Variants in ATP6V0A4 observed in about 807,000 individuals in gnomAD.
ATP6V0A4 encodes the protein V-type proton ATPase 116 kDa subunit a 4.
A neutral mutation model predicts 107.3 loss-of-function variants in ATP6V0A4; 86 were observed. That is an observed-to-expected ratio of 0.80 (90% confidence interval 0.67 to 0.96). The LOEUF (loss-of-function observed/expected upper bound fraction) is 0.96. Among genes scored for constraint, ATP6V0A4 ranks in the 40% least tolerant of loss-of-function variants. The pLI is 0.00. For missense variants in ATP6V0A4, 908 were observed against 1,045.6 expected (o/e 0.87, Z 1.81); for synonymous variants, 353 against 381.4 (o/e 0.93, Z 0.87).
chr7:138,782,620 T>C (rs189757343), intron 2 of ATP6V0A4, among the ~76,000 whole-genome samples: 21 of 152,142 alleles, frequency 1.4e-4, no homozygotes, highest in African/African-American at 4.8e-4. Context: ...GAATGAGAAC[T>C]CAAAAGAAGA....
intron 1 of ATP6V0A4, among the ~76,000 whole-genome samples, chr7:138,786,846 T>C (rs892625364): frequency 9.2e-5 from 14 of 152,300 alleles, no homozygotes; most frequent in African/African-American, 3.4e-4. Context: ...GCCTTTTCTA[T>C]AATAATATTT....
chr7:138,714,746 T>C (rs1477969044), intron 20 of ATP6V0A4, among the ~76,000 whole-genome samples: 1 of 152,178 alleles, frequency 6.6e-6, no homozygotes, highest in Non-Finnish European at 1.5e-5. Context: ...GGCGTTCTCT[T>C]AAAGGTCAGC....
rs1806903889 is a variant in ATP6V0A4, at chr7:138,762,974, G to C, written c.343C>G (p.Gln115Glu). The part of the protein sequence containing the change: ...GELQEANQNQ[Q>E]ALKQSFLELT... ...TCTAGGAAGCTTTGTTTCAAGGCCT[G>C]CTGGTTCTGGTTGGCTTCCTGTAAC... The change falls in exon 6 of 22, where the codon CAG becomes GAG. Residue 115 changes from glutamine (Q) to glutamate (E), a missense_variant. Gln to Glu is a conservative substitution (Grantham distance 29, BLOSUM62 2). Coordinates refer to ENST00000310018, the MANE Select transcript of ATP6V0A4 (RefSeq NM_020632.3). 1 of 1,614,120 alleles carries C rather than the reference G, an allele frequency of 6.2e-7. No individual in the cohort carries two copies. The highest frequency in any genetic ancestry group is 8.5e-7 in the Non-Finnish European group (1 of 1,180,020).
intron 4 of ATP6V0A4, 64 bp from the exon 5 acceptor site, chr7:138,768,938 G>A: frequency 6.2e-7 from 1 of 1,602,806 alleles, no homozygotes; most frequent in East Asian, 2.2e-5. Flanking sequence ...TAAGAAATGA[G>A]GTCAAGCAAG....
Position 138,756,510 on chromosome 7 carries a change from T to A in ATP6V0A4, c.670A>T (p.Ile224Leu), listed in dbSNP as rs779748042. 4 of 1,612,378 alleles carry A rather than the reference T, an allele frequency of 2.5e-6. No individual in the cohort carries two copies. The highest frequency in any genetic ancestry group is 3.4e-6 in the Non-Finnish European group (4 of 1,179,378). The stretch of plus-strand genomic sequence containing the variant: ...CTGAGCTGCTCTCCTTGGTAAAATA[T>A]GATGAATATGTTCTTCTGAATTTCT... Reference protein sequence around the residue: ...KEEIQKNIFIIFYQGEQLRQK... With the variant: ...KEEIQKNIFILFYQGEQLRQK... The change falls in exon 9 of 22, where the codon ATA becomes TTA. Residue 224 changes from isoleucine to leucine, a missense_variant. Physicochemically the swap from Ile to Leu is conservative, Grantham distance 5. Coordinates refer to ENST00000310018, the MANE Select transcript of ATP6V0A4 (RefSeq NM_020632.3).
At chr7:138,745,732 T>A (rs1276896789) in intron 13 of ATP6V0A4, among the ~76,000 whole-genome samples, 1 of 140,856 alleles carries the variant, frequency 7.1e-6, no homozygotes, top group African/African-American at 2.7e-5. Flanking sequence ...CATGGGCAGA[T>A]CACCTGGGGT....
chr7:138,798,133 C>A lies in ATP6V0A4; in HGVS notation c.-220G>T. The A allele has an allele frequency of 6.2e-7, 1 of 1,601,498 alleles. No individual in the cohort carries two copies. Among genetic ancestry groups the A allele is most frequent in the Non-Finnish European group, 8.5e-7 (1 of 1,174,672 alleles). On this transcript the variant is annotated 5_prime_UTR_variant, in exon 1 of 22. Coordinates refer to ENST00000310018, the MANE Select transcript of ATP6V0A4 (RefSeq NM_020632.3). ...CAGCGCCTCCCCGCTGCCACCCGGG[C>A]CACCCTGATCCTCAGCCTGGCCTTT... is the stretch of plus-strand genomic sequence containing the variant.
chr7:138,778,714 C>A (rs73467865), intron 2 of ATP6V0A4, among the ~76,000 whole-genome samples: 1,973 of 152,178 alleles, frequency 0.013, 38 homozygotes, highest in African/African-American at 0.045. Context: ...CCCTGCCCCC[C>A]ACCCCATTGC....
At chr7:138,772,006 T>C (rs896178047) in intron 2 of ATP6V0A4, among the ~76,000 whole-genome samples, 1 of 152,244 alleles carries the variant, frequency 6.6e-6, no homozygotes, top group Non-Finnish European at 1.5e-5. Context: ...AATGTCACTC[T>C]AGAACTCAGT....
chr7:138,739,481 C>T lies in ATP6V0A4; in HGVS notation c.1572+59G>A, dbSNP rs376191666. ...CTTTGTTGGCCTTTTCTTCTCTCTC[C>T]AGAGGTCTCCTCAAGATAGTTCACA... On this transcript the variant is annotated intron_variant, in intron 15 of 21. Coordinates refer to ENST00000310018, the MANE Select transcript of ATP6V0A4 (RefSeq NM_020632.3). The T allele has an allele frequency of 1.3e-4, 204 of 1,590,500 alleles. 1 individual carries two copies. In the East Asian group the frequency reaches 3.0e-3, roughly 23 times the overall value.
intron 1 of ATP6V0A4, among the ~76,000 whole-genome samples, chr7:138,794,382 G>A (rs777353272): frequency 6.6e-6 from 1 of 152,138 alleles, no homozygotes; most frequent in Non-Finnish European, 1.5e-5. Context: ...AATCACAAGA[G>A]AAGCTTCATT....
intron 11 of ATP6V0A4, among the ~76,000 whole-genome samples, chr7:138,749,996 A>G (rs1313987216): frequency 2.6e-5 from 4 of 152,100 alleles, no homozygotes; most frequent in African/African-American, 9.7e-5. Context: ...CGTTTATCTA[A>G]CACCTAGATT....
chr7:138,755,704 C>T lies in ATP6V0A4; in HGVS notation c.801G>A (p.Leu267=). ...CCTCACTCACGGTGATTAAATCTTC[C>T]AGCCTCACATTGACGCTCTCCAACA... is the stretch of plus-strand genomic sequence containing the variant. ...REMLESVNVR[L]EDLITVITQT... is the part of the protein sequence containing the mutation. Residue 267 remains leucine, a synonymous_variant, in exon 10 of 22, where the codon CTG becomes CTA. Transcript: ENST00000310018. The T allele has an allele frequency of 6.2e-7, 1 of 1,613,886 alleles. No homozygotes were observed. The highest frequency in any genetic ancestry group is 8.5e-7 in the Non-Finnish European group (1 of 1,180,034).
At chr7:138,761,753 C>T (rs960713213) in intron 7 of ATP6V0A4, among the ~76,000 whole-genome samples, 2 of 152,140 alleles carry the variant, frequency 1.3e-5, no homozygotes, top group Non-Finnish European at 2.9e-5. Context: ...GATCTTGGCT[C>T]ACTGCAACCT....
At chr7:138,770,467 T>C (rs920350846) in intron 3 of ATP6V0A4, among the ~76,000 whole-genome samples, 3 of 152,184 alleles carry the variant, frequency 2.0e-5, no homozygotes, top group Admixed American at 6.6e-5. Flanking sequence ...ATAAACGTTA[T>C]TGAGGACCTG....
chr7:138,771,019 C>T, intron 3 of ATP6V0A4, 112 bp downstream of exon 3: 1 of 1,093,258 alleles, frequency 9.1e-7, no homozygotes, highest in Admixed American at 1.7e-5. Context: ...GATTCCAGCT[C>T]ACGGCTCCTC....
chr7:138,735,367 AGG>A (rs893050057), intron 15 of ATP6V0A4, among the ~76,000 whole-genome samples: 20 of 152,266 alleles, frequency 1.3e-4, no homozygotes, highest in Admixed American at 1.2e-3. Context: ...AAAGGCGACA[AGG>A]GCACAATGGC....
At chr7:138,761,195 C>A (rs1318325239) in intron 7 of ATP6V0A4, among the ~76,000 whole-genome samples, 1 of 152,088 alleles carries the variant, frequency 6.6e-6, no homozygotes, top group African/African-American at 2.4e-5. Flanking sequence ...TAAAAATTAG[C>A]CTGGCATTGT....
At chr7:138,780,918 A>T (rs73467874) in intron 2 of ATP6V0A4, among the ~76,000 whole-genome samples, 3,681 of 150,772 alleles carry the variant, frequency 0.024, 150 homozygotes, top group African/African-American at 0.079. Context: ...AAGAAAAAAT[A>T]AAAAAAAAAT....
Sources: gnomAD v4.1 joint callset for allele counts (sites outside exome capture counted in the v4.1 genomes callset) on GRCh38, gnomAD v4.1.1 for gene constraint, MANE v1.5 for transcripts, NCBI Gene and HGNC (gene_info 2026-07-23, HGNC 2026-07-21) for gene names.